Variants in RSPH10B2 observed in about 807,000 individuals in gnomAD.
RSPH10B2 encodes the protein radial spoke head 10 homolog B2, also known as radial spoke head 10 homolog B2 (Chlamydomonas).
RSPH10B2 carries 9 observed loss-of-function variants against 49.0 expected under a neutral mutation model. The ratio of observed to expected loss-of-function variants is 0.18; its 90% CI spans 0.11 to 0.32. The LOEUF (loss-of-function observed/expected upper bound fraction) is 0.32. Ranked by LOEUF, RSPH10B2 falls within the 10% of genes least tolerant of loss-of-function variation. The pLI, the probability that RSPH10B2 is intolerant of heterozygous loss-of-function variation, is 1.00. For missense variants in RSPH10B2, 95 were observed against 589.9 expected, an observed-to-expected ratio of 0.16 and a Z score of 8.69; for synonymous variants, 35 against 210.2, an observed-to-expected ratio of 0.17 and a Z score of 7.21.
intron 18 of RSPH10B2, among the ~76,000 whole-genome samples, chr7:6,797,717 T>A (rs1188224662): frequency 2.7e-5 from 4 of 150,722 alleles, no homozygotes; most frequent in African/African-American, 9.9e-5. Context: ...TAGCCAGATG[T>A]GGTGGCAGGC....
chr7:6,769,730 A>G lies in RSPH10B2; in HGVS notation c.957+964A>G, dbSNP rs569748250. The stretch of plus-strand genomic sequence containing the variant: ...CAGCCACTAGAGTAGCTGGGATTAC[A>G]GGTGTGCGCCACCACGCCCGGCTCT... On this transcript the variant is annotated intron_variant, in intron 7 of 18. Coordinates refer to ENST00000297186, the Ensembl canonical transcript of RSPH10B2. 1.3e-4 allele frequency among the ~76,000 whole-genome samples: 15 copies of G among 111,226 alleles called. No homozygotes were observed. In the East Asian group the frequency reaches 2.9e-3, roughly 21 times the overall value. The allele number at this position is 111,226 out of a possible 152,430, so 73.0% of individuals were successfully genotyped here. A position where few individuals can be genotyped will look rare whatever the true frequency, so the allele number is the denominator to read the frequency against.
At position 6,766,745 on chromosome 7, in the gene RSPH10B2, CTT is replaced by C. The variant is rs755490284; in HGVS notation, c.660-10_660-9del. 2.1e-4 allele frequency: 81 copies of C among 394,956 alleles called. 6 individuals are homozygous for C. Among genetic ancestry groups the C allele is most frequent in the Non-Finnish European group, 3.3e-4 (78 of 232,980 alleles). 24.5% of individuals were successfully genotyped at this position (394,956 alleles called of 1,614,324 possible). On this transcript the variant is annotated splice_polypyrimidine_tract_variant and intron_variant, in intron 5 of 18. Coordinates refer to ENST00000297186, the Ensembl canonical transcript of RSPH10B2. ...GTAACTGATTGTTTTTCTTTGGTTT[CTT>C]TCATCCTAGTTATAAATCTGGAAAT...
In RSPH10B2 at chr7:6,774,217, G is replaced by A. The variant is rs1316411723; in HGVS notation, c.1224+746G>A. Among the ~76,000 whole-genome samples, 4 of 73,800 alleles carry A rather than the reference G, an allele frequency of 5.4e-5. 1 individual carries two copies. Among genetic ancestry groups the A allele is most frequent in the Non-Finnish European group, 1.0e-4 (4 of 39,704 alleles). The allele number at this position is 73,800 out of a possible 152,430, so 48.4% of individuals were successfully genotyped here. A position where few individuals can be genotyped will look rare whatever the true frequency, so the allele number is the denominator to read the frequency against. ...TTTTTGAGACGGAGTCCCTTTTGTCGCCCGGGCTGGAGTGCAATGGCATGA... is the reference window on the plus strand; with the variant it reads ...TTTTTGAGACGGAGTCCCTTTTGTCACCCGGGCTGGAGTGCAATGGCATGA... On this transcript the variant is annotated intron_variant, in intron 9 of 18. Transcript: ENST00000297186.
At chr7:6,783,773 C>G (rs1262731640) in intron 13 of RSPH10B2, among the ~76,000 whole-genome samples, 1 of 150,728 alleles carries the variant, frequency 6.6e-6, no homozygotes, top group African/African-American at 2.5e-5. Flanking sequence ...GCACCTGGCC[C>G]TTTTCATGGT....
At position 6,795,736 on chromosome 7, in the gene RSPH10B2, G is replaced by C. The variant is rs1180990716; in HGVS notation, c.2234-832G>C. On this transcript the variant is annotated intron_variant, in intron 17 of 18. Transcript: ENST00000297186. ...TGATGGTACCACTGCACTCCAGCCT[G>C]GATGACAGAGCATGACCTTGTCTCA... Among the ~76,000 whole-genome samples the C allele has an allele frequency of 1.4e-5, 2 of 146,706 alleles. 1 individual carries two copies. Among genetic ancestry groups the C allele is most frequent in the Non-Finnish European group, 3.0e-5 (2 of 66,020 alleles).
In RSPH10B2 at chr7:6,781,435, G is replaced by A. The variant is rs1362331118; in HGVS notation, c.1717G>A (p.Glu573Lys). The A allele has an allele frequency of 4.6e-6, 6 of 1,290,464 alleles. 2 individuals are homozygous for A. Among genetic ancestry groups the A allele is most frequent in the Non-Finnish European group, 2.0e-6 (2 of 984,726 alleles). The allele number at this position is 1,290,464 out of a possible 1,614,324, so 79.9% of individuals were successfully genotyped here. A position where few individuals can be genotyped will look rare whatever the true frequency, so the allele number is the denominator to read the frequency against. Residue 573 changes from glutamate (E) to lysine (K), a missense_variant, in exon 13 of 19, where the codon GAG (glutamate) becomes AAG (lysine). Physicochemically the swap from Glu to Lys is moderately conservative, Grantham distance 56. Coordinates refer to ENST00000297186, the Ensembl canonical transcript of RSPH10B2. Reference sequence around the variant, plus strand: ...CAGACCCAGTGCAGCGCCTCCCCACGAGCCTACGATGAAGATGAGACACTT... The same window carrying A: ...CAGACCCAGTGCAGCGCCTCCCCACAAGCCTACGATGAAGATGAGACACTT...
At chr7:6,770,643 C>T (rs967688399) in intron 7 of RSPH10B2, among the ~76,000 whole-genome samples, 6 of 143,634 alleles carry the variant, frequency 4.2e-5, no homozygotes, top group Admixed American at 7.1e-5. Flanking sequence ...CGATGGCTCA[C>T]GCCTGTAATC....
rs1782420479 is a variant in RSPH10B2, at chr7:6,793,383, C to G, written c.2233+1386C>G. Among the ~76,000 whole-genome samples, 2 of 116,350 alleles carry G rather than the reference C, an allele frequency of 1.7e-5. 1 individual carries two copies. Among genetic ancestry groups the G allele is most frequent in the African/African-American group, 6.9e-5 (2 of 29,138 alleles). 76.3% of individuals were successfully genotyped at this position (116,350 alleles called of 152,430 possible). ...CTTTTCTGACGGCGTCTCTCTATGG[C>G]CGGCCACCCACTCAATGGTGGACTT... On this transcript the variant is annotated intron_variant, in intron 17 of 18. Coordinates refer to ENST00000297186, the Ensembl canonical transcript of RSPH10B2.
chr7:6,755,949 A>AAAG (rs1331165024), upstream of RSPH10B2, among the ~76,000 whole-genome samples: 1 of 142,138 alleles, frequency 7.0e-6, no homozygotes, highest in African/African-American at 2.8e-5. Flanking sequence ...AAAAAAAAAA[A>AAAG]AAAAAAACAA....
chr7:6,756,135 T>G (rs542290834), upstream of RSPH10B2, among the ~76,000 whole-genome samples: 345 of 145,354 alleles, frequency 2.4e-3, 10 homozygotes, highest in African/African-American at 8.9e-3. Flanking sequence ...CCAGGTGTGG[T>G]GGTGGGTGCC....
At chr7:6,763,771 AAGAG>A (rs1477305791) in intron 3 of RSPH10B2, among the ~76,000 whole-genome samples, 153 bp from the exon 6 acceptor site, 2 of 146,362 alleles carry the variant, frequency 1.4e-5, no homozygotes, top group Non-Finnish European at 3.0e-5. Flanking sequence ...ACAAGGAAGG[AAGAG>A]AGAGAGTGTG....
intron 6 of RSPH10B2, among the ~76,000 whole-genome samples, chr7:6,768,163 CAG>C (rs1781521498): frequency 1.4e-5 from 2 of 142,264 alleles, no homozygotes; most frequent in African/African-American, 5.4e-5. Context: ...GCCTGGGTAA[CAG>C]AGTGAGACCC....
At chr7:6,796,595 G>A (rs763376199) in exon 18 of RSPH10B2, 1 of 1,208,348 alleles carries the variant, frequency 8.3e-7, no homozygotes, top group Non-Finnish European at 1.1e-6. Context: ...AAGGATGATC[G>A]AGAGGAAGAG....
intron 7 of RSPH10B2, among the ~76,000 whole-genome samples, chr7:6,769,754 CT>C (rs911131827): frequency 0.11 from 8,789 of 76,608 alleles, 404 homozygotes; most frequent in Admixed American, 0.18. Flanking sequence ...ACGCCCGGCT[CT>C]TTTTTTTTTT....
intron 8 of RSPH10B2, among the ~76,000 whole-genome samples, chr7:6,772,033 AAAAG>A (rs1444341394): frequency 7.1e-6 from 1 of 141,578 alleles, no homozygotes; most frequent in African/African-American, 2.5e-5. Context: ...TGGAAAAAAA[AAAAG>A]AAATAAAATT....
chr7:6,768,656 G>GA lies in RSPH10B2; in HGVS notation c.849dup (p.Tyr284IlefsTer25), dbSNP rs1781545788. ...CAGTTCCCAGTATCCTTTGAGAAAT[G>GA]AATACATAGGGGAGTTTGTAAATGG... On this transcript the variant is annotated frameshift_variant, in exon 7 of 19. Coordinates refer to ENST00000297186, the Ensembl canonical transcript of RSPH10B2. LOFTEE classifies it high-confidence loss of function. 2.4e-6 allele frequency: 1 copy of GA among 413,578 alleles called. No homozygotes were observed. The highest frequency in any genetic ancestry group is 4.1e-6 in the Non-Finnish European group (1 of 241,880). The allele number at this position is 413,578 out of a possible 1,614,324, so 25.6% of individuals were successfully genotyped here. A position where few individuals can be genotyped will look rare whatever the true frequency, so the allele number is the denominator to read the frequency against.
upstream of RSPH10B2, among the ~76,000 whole-genome samples, chr7:6,756,075 T>C (rs1370934011): frequency 6.6e-6 from 1 of 150,748 alleles, no homozygotes; most frequent in Non-Finnish European, 1.5e-5. Flanking sequence ...GAGACCATCC[T>C]GGCTAACCCG....
chr7:6,768,054 T>C (rs1016813280), intron 6 of RSPH10B2, among the ~76,000 whole-genome samples: 4 of 145,568 alleles, frequency 2.7e-5, no homozygotes, highest in Non-Finnish European at 4.5e-5. Flanking sequence ...TAGCCGGGAG[T>C]GGTCTCTGGT....
chr7:6,760,074 AG>A (rs1781216477), intron 2 of RSPH10B2, 151 bp from the exon 5 acceptor site: 1 of 185,774 alleles, frequency 5.4e-6, no homozygotes, highest in Non-Finnish European at 9.2e-6. Context: ...CTGAAGTGGG[AG>A]GATTGCTTGA....
Sources: gnomAD v4.1 joint callset for allele counts (sites outside exome capture counted in the v4.1 genomes callset) on GRCh38, gnomAD v4.1.1 for gene constraint, MANE v1.5 for transcripts, NCBI Gene and HGNC (gene_info 2026-07-23, HGNC 2026-07-21) for gene names.